CDKAL1: variants seen among roughly 807,000 people sequenced by gnomAD.
CDKAL1 encodes threonylcarbamoyladenosine tRNA methylthiotransferase.
Under a neutral mutation model 68.2 loss-of-function variants are expected in CDKAL1, and 32 were observed. The observed-to-expected ratio is 0.47, with a 90% CI of 0.35 to 0.63. CDKAL1 has a LOEUF of 0.63. Among genes scored for constraint, CDKAL1 ranks in the 30% least tolerant of loss-of-function variants. CDKAL1 has a pLI of 0.00. For synonymous variants in CDKAL1, 234 were observed against 244.3 expected, an observed-to-expected ratio of 0.96 and a Z score of 0.39; for missense variants, 606 against 696.7, an observed-to-expected ratio of 0.87 and a Z score of 1.47.
rs187481845 is a variant in CDKAL1 at position 20,920,089 on chromosome 6, A to C, written c.743-35330A>C. ...AAGCTTAGTATTGAGCCTCATTCTTAATATCCTTTTAATAAACTCCTTTCC... is the reference window on the plus strand; with the variant it reads ...AAGCTTAGTATTGAGCCTCATTCTTCATATCCTTTTAATAAACTCCTTTCC... On this transcript the variant is annotated intron_variant, in intron 9 of 15. Transcript: ENST00000274695. 1.3e-3 allele frequency among the ~76,000 whole-genome samples: 202 copies of C among 152,300 alleles called. 2 individuals carry two copies. The highest frequency in any genetic ancestry group is 4.4e-3 in the African/African-American group (184 of 41,568).
At chr6:20,977,418 G>A (rs1765892689) in intron 10 of CDKAL1, among the ~76,000 whole-genome samples, 1 of 152,118 alleles carries the variant, frequency 6.6e-6, no homozygotes, top group African/African-American at 2.4e-5. Context: ...GAAGACCTTG[G>A]TTCTAACTCT....
intron 13 of CDKAL1, among the ~76,000 whole-genome samples, chr6:21,151,175 T>A (rs559596170): frequency 6.6e-6 from 1 of 152,330 alleles, no homozygotes; most frequent in East Asian, 1.9e-4. Context: ...GGGAGAAATG[T>A]GACATTTAGA....
At chr6:20,764,667 G>T (rs1173016395) in intron 7 of CDKAL1, among the ~76,000 whole-genome samples, 1 of 152,160 alleles carries the variant, frequency 6.6e-6, no homozygotes, top group East Asian at 1.9e-4. Context: ...ACCTTACAGA[G>T]CTCAATGCAG....
At chr6:21,072,676 C>CTT (rs66763305) in intron 12 of CDKAL1, among the ~76,000 whole-genome samples, 6,966 of 131,068 alleles carry the variant, frequency 0.053, 523 homozygotes, top group East Asian at 0.25. Context: ...AATAGAGTAT[C>CTT]TTTTTTTTTT....
At chr6:20,919,263 C>T (rs1299778545) in intron 9 of CDKAL1, among the ~76,000 whole-genome samples, 1 of 152,180 alleles carries the variant, frequency 6.6e-6, no homozygotes, top group Non-Finnish European at 1.5e-5. Context: ...TCATTATTCA[C>T]AGTAGATTTA....
intron 10 of CDKAL1, among the ~76,000 whole-genome samples, chr6:20,978,236 C>A (rs1039755590): frequency 1.3e-5 from 2 of 152,200 alleles, no homozygotes; most frequent in Non-Finnish European, 2.9e-5. Flanking sequence ...TTTGTAAAGT[C>A]AGCTTGAAAC....
At chr6:21,070,413 TCAG>T (rs1344443334) in intron 12 of CDKAL1, among the ~76,000 whole-genome samples, 24 of 150,944 alleles carry the variant, frequency 1.6e-4, no homozygotes, top group South Asian at 2.1e-4. Context: ...TTTTTTTGGC[TCAG>T]TTTTCTCAGG....
chr6:21,070,831 A>T (rs551210840), intron 12 of CDKAL1, among the ~76,000 whole-genome samples: 2 of 152,242 alleles, frequency 1.3e-5, no homozygotes, highest in Admixed American at 1.3e-4. Context: ...CTGGGCCAAC[A>T]TCCACAGAAA....
chr6:20,713,066 C>T (rs1771923898), intron 5 of CDKAL1, among the ~76,000 whole-genome samples: 2 of 152,154 alleles, frequency 1.3e-5, no homozygotes, highest in South Asian at 4.1e-4. Flanking sequence ...TCATTACTTA[C>T]TTGATGCCTG....
chr6:20,981,702 G>A (rs375974719), intron 10 of CDKAL1, among the ~76,000 whole-genome samples: 20 of 152,312 alleles, frequency 1.3e-4, no homozygotes, highest in East Asian at 9.7e-4. Context: ...TTAGCTGGGC[G>A]TGGTGGCAGG....
intron 4 of CDKAL1, among the ~76,000 whole-genome samples, chr6:20,640,851 T>C (rs551415077): frequency 2.0e-4 from 31 of 152,274 alleles, no homozygotes; most frequent in Admixed American, 1.9e-3. Context: ...GTTCCTCCTC[T>C]ATAAAATTGG....
chr6:20,943,333 AAAAAAAAAAAAG>A (rs1163031039), intron 9 of CDKAL1, among the ~76,000 whole-genome samples: 5 of 86,752 alleles, frequency 5.8e-5, no homozygotes, highest in Non-Finnish European at 9.4e-5. Flanking sequence ...TTTTTCAAAA[AAAAAAAAAAAAG>A]AAAAAGAAAA....
intron 9 of CDKAL1, among the ~76,000 whole-genome samples, chr6:20,899,010 T>G (rs1761833110): frequency 6.6e-6 from 1 of 151,840 alleles, no homozygotes; most frequent in Non-Finnish European, 1.5e-5. Flanking sequence ...CTAACTCTAG[T>G]GAACACAGGC....
chr6:20,900,373 T>C (rs1022818624), intron 9 of CDKAL1, among the ~76,000 whole-genome samples: 1 of 152,246 alleles, frequency 6.6e-6, no homozygotes, highest in African/African-American at 2.4e-5. Context: ...TAGTGAAATA[T>C]GTCAGTGCTA....
intron 8 of CDKAL1, among the ~76,000 whole-genome samples, chr6:20,844,906 A>G (rs1778320399): frequency 1.3e-5 from 2 of 152,192 alleles, no homozygotes; most frequent in Non-Finnish European, 2.9e-5. Flanking sequence ...AGAAGCCACA[A>G]TTTGTGTTTA....
At chr6:20,980,336 C>T (rs1449887483) in intron 10 of CDKAL1, among the ~76,000 whole-genome samples, 1 of 152,054 alleles carries the variant, frequency 6.6e-6, no homozygotes, top group African/African-American at 2.4e-5. Context: ...CTCCCAGGTT[C>T]ACGCCATTCT....
At chr6:21,104,620 T>C (rs1186615540) in intron 12 of CDKAL1, among the ~76,000 whole-genome samples, 1 of 152,186 alleles carries the variant, frequency 6.6e-6, no homozygotes, top group Non-Finnish European at 1.5e-5. Flanking sequence ...ATTGTGTGAC[T>C]GATCTCAGAG....
chr6:21,082,795 G>C (rs1384184157), intron 12 of CDKAL1, among the ~76,000 whole-genome samples: 3 of 151,818 alleles, frequency 2.0e-5, no homozygotes, highest in Non-Finnish European at 4.4e-5. Flanking sequence ...CTCAGATCTT[G>C]GAATAATTGC....
chr6:20,860,456 G>C (rs1759553542), intron 9 of CDKAL1, among the ~76,000 whole-genome samples: 1 of 152,186 alleles, frequency 6.6e-6, no homozygotes, highest in Non-Finnish European at 1.5e-5. Flanking sequence ...TGAGAAGTAA[G>C]TGAGAATACC....
Sources: gnomAD v4.1 joint callset for allele counts (sites outside exome capture counted in the v4.1 genomes callset) on GRCh38, gnomAD v4.1.1 for gene constraint, MANE v1.5 for transcripts, NCBI Gene and HGNC (gene_info 2026-07-23, HGNC 2026-07-21) for gene names.